MBTPS1: variants seen among roughly 807,000 people sequenced by gnomAD.
The protein encoded by MBTPS1 is membrane-bound transcription factor site-1 protease.
In MBTPS1, 94 loss-of-function variants were observed where a neutral mutation model predicts 127.8. That is an observed-to-expected ratio of 0.74 (90% CI 0.62 to 0.87). The LOEUF is 0.87. MBTPS1 is among the 40% of genes least tolerant of loss of function. The pLI, the probability that MBTPS1 is intolerant of heterozygous loss-of-function variation, is 0.00. For synonymous variants in MBTPS1, 632 were observed against 509.4 expected (o/e 1.24, Z -3.24); for missense variants, 1,636 against 1,353.2 (o/e 1.21, Z -3.28).
intron 11 of MBTPS1, among the ~76,000 whole-genome samples, chr16:84,079,643 T>C (rs35911229): frequency 0.24 from 36,613 of 152,178 alleles, 5,034 homozygotes; most frequent in East Asian, 0.43. Context: ...TTGTGGATAA[T>C]GAGAGCCAGG....
At chr16:84,064,718 G>A (rs566998493) in intron 18 of MBTPS1, among the ~76,000 whole-genome samples, 4 of 152,224 alleles carry the variant, frequency 2.6e-5, no homozygotes, top group African/African-American at 7.2e-5. Flanking sequence ...ACTAACCCAT[G>A]GCCAAGTGAC....
intron 8 of MBTPS1, among the ~76,000 whole-genome samples, chr16:84,090,392 G>T (rs918571498): frequency 2.6e-5 from 4 of 152,098 alleles, no homozygotes; most frequent in Admixed American, 2.6e-4. Flanking sequence ...CCAAAGCACC[G>T]GCCATGTTGC....
At chr16:84,111,604 G>C (rs189329228) in intron 1 of MBTPS1, among the ~76,000 whole-genome samples, 2 of 152,106 alleles carry the variant, frequency 1.3e-5, no homozygotes, top group Admixed American at 1.3e-4. Context: ...GAAGTCAGGA[G>C]CCAAGGAACG....
At chr16:84,102,892 T>C (rs1410993066) in intron 1 of MBTPS1, among the ~76,000 whole-genome samples, 1 of 152,262 alleles carries the variant, frequency 6.6e-6, no homozygotes, top group Admixed American at 6.5e-5. Flanking sequence ...AAATTTATTT[T>C]ACCTGAAACC....
intron 3 of MBTPS1, among the ~76,000 whole-genome samples, chr16:84,098,653 C>T (rs541986332): frequency 6.6e-6 from 1 of 152,004 alleles, no homozygotes; most frequent in Non-Finnish European, 1.5e-5. Context: ...AAAACACACA[C>T]TGAGAGAAGC....
rs759360848 is a variant in MBTPS1 at position 84,091,687 on chromosome 16, A to C, written c.963+45T>G. Reference sequence around the variant, plus strand: ...ATGATGCAAAGTTGGGCTGCGAAAGAGCAGGAGCTGTCACCCAAACCCCGT... The same window carrying C: ...ATGATGCAAAGTTGGGCTGCGAAAGCGCAGGAGCTGTCACCCAAACCCCGT... On this transcript the variant is annotated intron_variant, in intron 7 of 22. Transcript: ENST00000343411. 9 of 1,345,306 alleles carry C rather than the reference A, an allele frequency of 6.7e-6. No individual in the cohort carries two copies. The South Asian group carries it at 1.1e-4, about 16-fold the overall frequency. 83.3% of individuals were successfully genotyped at this position (1,345,306 alleles called of 1,614,324 possible).
chr16:84,101,018 A>AAAT (rs34617429), intron 2 of MBTPS1, among the ~76,000 whole-genome samples: 1 of 150,802 alleles, frequency 6.6e-6, no homozygotes, highest in African/African-American at 2.4e-5. Flanking sequence ...AAAAAAAAAA[A>AAAT]GGCCTGGCAC....
chr16:84,070,963 G>T (rs553668048), intron 12 of MBTPS1, among the ~76,000 whole-genome samples, 187 bp from the exon 13 acceptor site: 1 of 152,178 alleles, frequency 6.6e-6, no homozygotes. Flanking sequence ...TGCCTCGGAC[G>T]TATCACTAGA....
intron 18 of MBTPS1, among the ~76,000 whole-genome samples, chr16:84,065,121 G>GT (rs35734457): frequency 0.18 from 25,734 of 139,954 alleles, 2,504 homozygotes; most frequent in African/African-American, 0.24. Context: ...CTTGAAGGTA[G>GT]TTTTTTTTTT....
At chr16:84,065,632 G>A (rs767986826) in intron 18 of MBTPS1, 58 bp downstream of exon 18, 27 of 1,084,594 alleles carry the variant, frequency 2.5e-5, no homozygotes, top group East Asian at 1.2e-4. Context: ...AGAGAGAAGC[G>A]GGGGAAAAGG....
At chr16:84,111,668 C>G (rs77844578) in intron 1 of MBTPS1, among the ~76,000 whole-genome samples, 16,488 of 152,166 alleles carry the variant, frequency 0.11, 1,271 homozygotes, top group African/African-American at 0.21. Flanking sequence ...CTCCACAGAG[C>G]CTCCAGACGG....
intron 22 of MBTPS1, among the ~76,000 whole-genome samples, chr16:84,055,241 C>G (rs770827583): frequency 1.3e-5 from 2 of 152,334 alleles, no homozygotes; most frequent in Middle Eastern, 3.4e-3. Flanking sequence ...GTGACCTATG[C>G]GCAAGGCCCT....
chr16:84,079,264 G>A (rs1428861270), intron 11 of MBTPS1, among the ~76,000 whole-genome samples: 1 of 152,182 alleles, frequency 6.6e-6, no homozygotes, highest in Non-Finnish European at 1.5e-5. Context: ...GGAGCCAACT[G>A]AACCTCTTTT....
intron 4 of MBTPS1, among the ~76,000 whole-genome samples, chr16:84,094,102 C>T (rs889589348): frequency 4.6e-5 from 7 of 152,074 alleles, no homozygotes; most frequent in African/African-American, 1.2e-4. Flanking sequence ...GCCACCAGCA[C>T]TCAGGATAGA....
In MBTPS1 at chr16:84,070,635, C is replaced by G. The variant is rs201535353; in HGVS notation, c.1735G>C (p.Ala579Pro). 2 of 1,613,382 alleles carry G rather than the reference C, an allele frequency of 1.2e-6. No individual in the cohort carries two copies. The highest frequency in any genetic ancestry group is 2.7e-5 in the African/African-American group (2 of 74,904). ...ACAGTGATCATGACATGGCCCTGAG[C>G]AATGCCTTCCCAGGAAGCCGCTTTC... is the stretch of plus-strand genomic sequence containing the variant. ...TKKAASWEGIAQGHVMITVAS... is the reference protein window; with the variant it reads ...TKKAASWEGIPQGHVMITVAS... The change falls in exon 13 of 23, where the codon GCT becomes CCT. Residue 579 changes from alanine to proline, a missense_variant. Ala to Pro is a conservative substitution (Grantham distance 27, BLOSUM62 -1). Coordinates refer to ENST00000343411, the MANE Select transcript of MBTPS1 (RefSeq NM_003791.4).
In MBTPS1 at chr16:84,053,840, C is replaced by G. The variant is rs972217144; in HGVS notation, c.*609G>C. 1.3e-5 allele frequency: 2 copies of G among 152,120 alleles called. No homozygotes were observed. Among genetic ancestry groups the G allele is most frequent in the African/African-American group, 2.4e-5 (1 of 41,420 alleles). 9.4% of individuals were successfully genotyped at this position (152,120 alleles called of 1,614,324 possible). A position where few individuals can be genotyped will look rare whatever the true frequency, so the allele number is the denominator to read the frequency against. On this transcript the variant is annotated 3_prime_UTR_variant, in exon 23 of 23. Transcript: ENST00000343411. ...ATGGTGAAATCAAGACCTCAAATTA[C>G]AAAACATGGTGGCAGGTGATACTTA...
chr16:84,060,983 G>A (rs1344151470), intron 19 of MBTPS1, 170 bp from the exon 20 acceptor site: 1 of 556,632 alleles, frequency 1.8e-6, no homozygotes, highest in Admixed American at 3.2e-5. Flanking sequence ...GAAGGCACAT[G>A]ACAGCATGCC....
Position 84,068,345 on chromosome 16 carries a change from G to C in MBTPS1, c.2065C>G (p.Gln689Glu), listed in dbSNP as rs1480633932. ...GCACAGCAGTGCCACTTACCATACT[G>C]ACTGGCATCAAAACACGTGAAGGGG... is the stretch of plus-strand genomic sequence containing the variant. ...GAPFTCFDAS[Q>E]YGTLLMVDSE... The change falls in exon 15 of 23, where the codon CAG becomes GAG. Residue 689 changes from glutamine to glutamate, a missense_variant. By Grantham distance (29) the Gln-to-Glu change is conservative (BLOSUM62 2). Coordinates refer to ENST00000343411, the MANE Select transcript of MBTPS1 (RefSeq NM_003791.4). The C allele has an allele frequency of 5.0e-6, 8 of 1,603,382 alleles. No individual in the cohort carries two copies. The highest frequency in any genetic ancestry group is 6.8e-6 in the Non-Finnish European group (8 of 1,170,252).
chr16:84,109,478 G>A (rs1332593415), intron 1 of MBTPS1: 1 of 152,198 alleles, frequency 6.6e-6, no homozygotes, highest in South Asian at 2.1e-4. Context: ...CCACCAAGTT[G>A]TCCAAGGGAA....
Sources: allele counts gnomAD v4.1 joint callset (sites outside exome capture counted in the v4.1 genomes callset), GRCh38; gene constraint gnomAD v4.1.1; transcripts MANE v1.5; gene names NCBI Gene and HGNC (gene_info 2026-07-23, HGNC 2026-07-21).